The following SLC2A13 variants were observed in gnomAD, a reference collection of about 807,000 sequenced individuals.
SLC2A13 encodes the protein proton myo-inositol cotransporter.
SLC2A13 carries 32 observed loss-of-function variants against 64.4 expected under a neutral mutation model. The observed-to-expected ratio is 0.50, with a 90% CI of 0.37 to 0.67. SLC2A13 has a LOEUF of 0.67. Among genes scored for constraint, SLC2A13 ranks in the 30% least tolerant of loss-of-function variants. The pLI is 0.00. For missense variants in SLC2A13, 743 were observed against 829.2 expected (o/e 0.90, Z 1.28); for synonymous variants, 338 against 327.1 (o/e 1.03, Z -0.36).
At chr12:40,047,480 T>C (rs890075848) in intron 2 of SLC2A13, among the ~76,000 whole-genome samples, 3 of 152,222 alleles carry the variant, frequency 2.0e-5, no homozygotes, top group Non-Finnish European at 2.9e-5. Context: ...AGCTTTAACA[T>C]AAGATTTTGT....
At chr12:40,031,510 T>C (rs1347548089) in intron 2 of SLC2A13, among the ~76,000 whole-genome samples, 1 of 152,212 alleles carries the variant, frequency 6.6e-6, no homozygotes, top group Non-Finnish European at 1.5e-5. Flanking sequence ...CACGCGCCAC[T>C]GCTTTCGGCC....
chr12:40,003,322 A>G (rs1314158316), intron 3 of SLC2A13, among the ~76,000 whole-genome samples: 2 of 152,236 alleles, frequency 1.3e-5, no homozygotes, highest in Non-Finnish European at 2.9e-5. Flanking sequence ...ATTTCAATGC[A>G]TATCATTTTT....
At chr12:39,864,520 A>T (rs1396127808) in intron 6 of SLC2A13, among the ~76,000 whole-genome samples, 1 of 152,134 alleles carries the variant, frequency 6.6e-6, no homozygotes, top group East Asian at 1.9e-4. Flanking sequence ...TTTCCAGAGA[A>T]ACATCACCAA....
chr12:39,772,516 G>A (rs886919144), intron 7 of SLC2A13, among the ~76,000 whole-genome samples: 3 of 151,840 alleles, frequency 2.0e-5, no homozygotes, highest in African/African-American at 7.2e-5. Context: ...ATTGTGAGTA[G>A]AAAACAGCAT....
chr12:39,851,453 G>A (rs953784403), intron 6 of SLC2A13, among the ~76,000 whole-genome samples: 1 of 152,126 alleles, frequency 6.6e-6, no homozygotes, highest in Non-Finnish European at 1.5e-5. Context: ...TATTAAAAAT[G>A]AGCAGTGCAC....
rs763089455 is a variant in SLC2A13, at chr12:40,028,400, G to A, written c.826C>T (p.Arg276Cys). 18 of 1,613,676 alleles carry A rather than the reference G, an allele frequency of 1.1e-5. No homozygotes were observed. The highest frequency in any genetic ancestry group is 6.7e-5 in the East Asian group (3 of 44,878). Residue 276 changes from arginine to cysteine, a missense_variant, in exon 3 of 10, where the codon CGT (arginine) becomes TGT (cysteine). Physicochemically the swap from Arg to Cys is radical, Grantham distance 180. This residue lies in a region of SLC2A13 where 448 missense variants were observed against 447.4 expected (regional missense o/e 1.00). Coordinates refer to ENST00000280871, the MANE Select transcript of SLC2A13 (RefSeq NM_052885.4). ...CCACGCATCTGAGATAAAATTCTAC[G>A]GGCCTTCTGAGTCTGTCCTTTCTGA... ...LIQKGQTQKA[R>C]RILSQMRGNQ...
chr12:40,083,970 T>C (rs966246985), intron 1 of SLC2A13, among the ~76,000 whole-genome samples: 3 of 152,320 alleles, frequency 2.0e-5, no homozygotes, highest in African/African-American at 7.2e-5. Flanking sequence ...ACACCAGGTA[T>C]CATTCATTAT....
intron 7 of SLC2A13, among the ~76,000 whole-genome samples, chr12:39,815,235 A>G (rs966897382): frequency 6.6e-6 from 1 of 152,230 alleles, no homozygotes; most frequent in African/African-American, 2.4e-5. Context: ...TGAATCCCAT[A>G]TGCCCAAATA....
intron 9 of SLC2A13, 145 bp downstream of exon 9, chr12:39,764,315 C>T (rs934663083): frequency 5.5e-5 from 37 of 671,366 alleles, no homozygotes; most frequent in Non-Finnish European, 4.2e-5. Context: ...ATTTCCGATG[C>T]CTTTGGAGGA....
chr12:40,105,997 G>C lies in SLC2A13; in HGVS notation c.-189C>G, dbSNP rs1036780399. On this transcript the variant is annotated 5_prime_UTR_variant, in exon 1 of 10. Coordinates refer to ENST00000280871, the MANE Select transcript of SLC2A13 (RefSeq NM_052885.4). The surrounding 1 kb of genome is among the most constrained non-coding windows in gnomAD (Gnocchi z 4.2). ...CGGGGAGAAAGTTGCTGCCCGCCGC[G>C]CTCCGACGCTGCGGAGTTGGAGCCC... The C allele has an allele frequency of 1.7e-6, 1 of 604,466 alleles. No individual in the cohort carries two copies. The highest frequency in any genetic ancestry group is 2.5e-6 in the Non-Finnish European group (1 of 403,728). The allele number at this position is 604,466 out of a possible 1,614,324, so 37.4% of individuals were successfully genotyped here. A position where few individuals can be genotyped will look rare whatever the true frequency, so the allele number is the denominator to read the frequency against.
At chr12:39,845,793 C>T (rs911831716) in intron 6 of SLC2A13, among the ~76,000 whole-genome samples, 1 of 152,052 alleles carries the variant, frequency 6.6e-6, no homozygotes, top group African/African-American at 2.4e-5. Context: ...GTGAATGAAA[C>T]CAATAGGAAT....
At chr12:39,869,493 CTG>C (rs1264017476) in intron 5 of SLC2A13, among the ~76,000 whole-genome samples, 3 of 152,182 alleles carry the variant, frequency 2.0e-5, no homozygotes, top group African/African-American at 7.2e-5. Flanking sequence ...ATCAAATAGA[CTG>C]TGTCTCTCAA....
intron 7 of SLC2A13, among the ~76,000 whole-genome samples, chr12:39,787,225 C>G (rs1941223591): frequency 6.6e-6 from 1 of 152,174 alleles, no homozygotes; most frequent in South Asian, 2.1e-4. Context: ...CACTTACTAC[C>G]TTCCACCAGT....
intron 4 of SLC2A13, among the ~76,000 whole-genome samples, chr12:39,878,121 G>C (rs1944238432): frequency 6.6e-6 from 1 of 152,208 alleles, no homozygotes. Flanking sequence ...TTCCTCAAAA[G>C]CCTACATAGG....
intron 3 of SLC2A13, among the ~76,000 whole-genome samples, chr12:39,968,532 G>A (rs962740274): frequency 6.6e-6 from 1 of 151,672 alleles, no homozygotes; most frequent in Admixed American, 6.6e-5. Flanking sequence ...TTTCCTCTCT[G>A]AACCCCATCT....
chr12:39,757,849 A>G lies in SLC2A13; in HGVS notation c.*2177T>C, dbSNP rs1444095612. 6.6e-6 allele frequency: 1 copy of G among 152,286 alleles called. No individual in the cohort carries two copies. The highest frequency in any genetic ancestry group is 1.5e-5 in the Non-Finnish European group (1 of 67,738). 9.4% of individuals were successfully genotyped at this position (152,286 alleles called of 1,614,324 possible). A position where few individuals can be genotyped will look rare whatever the true frequency, so the allele number is the denominator to read the frequency against. The stretch of plus-strand genomic sequence containing the variant: ...AGCCCAGCTGAGTTTATAAGTATAT[A>G]GTTAGTTAAGGCTACATATACAATA... On this transcript the variant is annotated 3_prime_UTR_variant, in exon 10 of 10. Coordinates refer to ENST00000280871, the MANE Select transcript of SLC2A13 (RefSeq NM_052885.4).
chr12:40,095,368 A>G (rs918946288), intron 1 of SLC2A13, among the ~76,000 whole-genome samples: 1 of 152,242 alleles, frequency 6.6e-6, no homozygotes, highest in Non-Finnish European at 1.5e-5. Context: ...GCCCTGTGCT[A>G]TATGTAAACT....
intron 4 of SLC2A13, among the ~76,000 whole-genome samples, chr12:39,885,439 C>T (rs1196451952): frequency 6.6e-6 from 1 of 152,044 alleles, no homozygotes; most frequent in Non-Finnish European, 1.5e-5. Context: ...CCAAATATTG[C>T]ATATTTGGTA....
intron 6 of SLC2A13, among the ~76,000 whole-genome samples, chr12:39,851,590 A>ATT (rs1943470334): frequency 1.3e-5 from 2 of 152,208 alleles, no homozygotes; most frequent in African/African-American, 2.4e-5. Context: ...CATCCATGCT[A>ATT]AATGCCAAGG....
Sources: gnomAD v4.1 joint callset for allele counts (sites outside exome capture counted in the v4.1 genomes callset) on GRCh38, gnomAD v4.1.1 for gene constraint, gnomAD v4.1.1 regional missense constraint, Gnocchi (gnomAD v3.1) non-coding constraint, MANE v1.5 for transcripts, NCBI Gene and HGNC (gene_info 2026-07-23, HGNC 2026-07-21) for gene names.